DPYD: variants seen among roughly 807,000 people sequenced by gnomAD.
DPYD encodes dihydropyrimidine dehydrogenase.
Under a neutral mutation model 116.2 loss-of-function variants are expected in DPYD, and 109 were observed. That is an observed-to-expected ratio of 0.94 (90% CI 0.80 to 1.10). The LOEUF is 1.10. Among genes scored for constraint, DPYD ranks in the 50% least tolerant of loss-of-function variants. The probability of loss-of-function intolerance (pLI) is 0.00; values close to 1 mark genes in which losing one functional copy is unlikely to be tolerated. For synonymous variants in DPYD, 440 were observed against 432.0 expected (o/e 1.02, Z -0.23); for missense variants, 1,302 against 1,254.5 (o/e 1.04, Z -0.57).
At chr1:97,864,421 T>C (rs899287211) in intron 2 of DPYD, among the ~76,000 whole-genome samples, 2 of 151,936 alleles carry the variant, frequency 1.3e-5, no homozygotes, top group Admixed American at 6.6e-5. Flanking sequence ...TTTTCAGGCC[T>C]GAGTCAAAGA....
At chr1:97,846,478 C>T (rs1023683884) in intron 2 of DPYD, among the ~76,000 whole-genome samples, 6 of 152,150 alleles carry the variant, frequency 3.9e-5, no homozygotes, top group African/African-American at 7.2e-5. Context: ...GCATCTGACT[C>T]GGGGGAAGTC....
chr1:97,601,103 G>C (rs1557829518), intron 8 of DPYD, among the ~76,000 whole-genome samples: 2 of 151,952 alleles, frequency 1.3e-5, no homozygotes. Context: ...CTAAAGAACT[G>C]GGTTCTAATC....
At chr1:97,166,234 C>G (rs1372700835) in intron 20 of DPYD, among the ~76,000 whole-genome samples, 1 of 152,164 alleles carries the variant, frequency 6.6e-6, no homozygotes, top group Non-Finnish European at 1.5e-5. Context: ...TACATATACA[C>G]CATGGAATAC....
intron 8 of DPYD, among the ~76,000 whole-genome samples, chr1:97,664,225 T>G (rs547231671): frequency 1.3e-5 from 2 of 152,230 alleles, no homozygotes; most frequent in South Asian, 4.1e-4. Context: ...ATTTTATCAA[T>G]GATAAAGTTG....
At chr1:97,123,650 T>C (rs2101650691) in intron 20 of DPYD, among the ~76,000 whole-genome samples, 1 of 152,306 alleles carries the variant, frequency 6.6e-6, no homozygotes, top group Non-Finnish European at 1.5e-5. Context: ...AGAACATTTA[T>C]TAAGTAAGAA....
intron 6 of DPYD, among the ~76,000 whole-genome samples, chr1:97,695,715 T>C (rs1318400220): frequency 6.6e-6 from 1 of 151,288 alleles, no homozygotes. Context: ...TTAGGAGGAG[T>C]TGTTGAAAGA....
At chr1:97,584,055 T>C (rs1653904265) in intron 10 of DPYD, among the ~76,000 whole-genome samples, 1 of 152,204 alleles carries the variant, frequency 6.6e-6, no homozygotes, top group African/African-American at 2.4e-5. Context: ...TTCCTATTTC[T>C]CCACATCCTC....
intron 8 of DPYD, among the ~76,000 whole-genome samples, chr1:97,658,589 A>T (rs13375275): frequency 0.15 from 22,835 of 152,120 alleles, 1,883 homozygotes; most frequent in African/African-American, 0.2. Flanking sequence ...GACTTAAATA[A>T]TAATTAATTA....
At chr1:97,488,347 T>G (rs1331910099) in intron 13 of DPYD, among the ~76,000 whole-genome samples, 1 of 152,180 alleles carries the variant, frequency 6.6e-6, no homozygotes, top group East Asian at 1.9e-4. Flanking sequence ...ATGATAGAAC[T>G]GTTCTTTATC....
chr1:97,507,431 T>C (rs1011606435), intron 13 of DPYD, among the ~76,000 whole-genome samples: 3 of 150,574 alleles, frequency 2.0e-5, no homozygotes, highest in Admixed American at 1.3e-4. Context: ...AATAATGCAC[T>C]GGACTATTGT....
chr1:97,239,826 A>C lies in DPYD; in HGVS notation c.2300-4832T>G, dbSNP rs1662206506. 5.9e-5 allele frequency among the ~76,000 whole-genome samples: 9 copies of C among 152,104 alleles called. No homozygotes were observed. In the South Asian group the frequency reaches 1.9e-3, roughly 32 times the overall value. On this transcript the variant is annotated intron_variant, in intron 18 of 22. Coordinates refer to ENST00000370192, the MANE Select transcript of DPYD (RefSeq NM_000110.4). ...CGAATCTCAATTTTGTCATCTATAA[A>C]ATAATAAAAATTGTAATAACGTCTT...
intron 12 of DPYD, among the ~76,000 whole-genome samples, chr1:97,528,956 C>A (rs1284089985): frequency 6.6e-6 from 1 of 152,060 alleles, no homozygotes; most frequent in Admixed American, 6.5e-5. Flanking sequence ...TTCATGATAG[C>A]CTACAAGCTC....
intron 16 of DPYD, among the ~76,000 whole-genome samples, chr1:97,315,410 A>G (rs1280084864): frequency 6.6e-6 from 1 of 151,876 alleles, no homozygotes; most frequent in Non-Finnish European, 1.5e-5. Flanking sequence ...TGGGCTAGCA[A>G]AGACTTTTCT....
intron 19 of DPYD, among the ~76,000 whole-genome samples, chr1:97,226,829 C>CT (rs1022182243): frequency 6.6e-6 from 1 of 151,968 alleles, no homozygotes; most frequent in Non-Finnish European, 1.5e-5. Context: ...AATAGAATCC[C>CT]TACAAACATT....
chr1:97,654,956 A>T (rs1158841811), intron 8 of DPYD, among the ~76,000 whole-genome samples: 1 of 152,106 alleles, frequency 6.6e-6, no homozygotes, highest in Non-Finnish European at 1.5e-5. Context: ...CCCTTATAAA[A>T]CCATCAGATC....
chr1:97,696,882 C>A (rs892120042), intron 6 of DPYD, among the ~76,000 whole-genome samples: 1 of 152,044 alleles, frequency 6.6e-6, no homozygotes, highest in Non-Finnish European at 1.5e-5. Flanking sequence ...GACCTCATTT[C>A]TCTTTATTGT....
intron 3 of DPYD, among the ~76,000 whole-genome samples, chr1:97,766,928 C>T (rs1175151388): frequency 3.3e-5 from 5 of 151,972 alleles, no homozygotes; most frequent in Non-Finnish European, 5.9e-5. Context: ...TGATAGACTA[C>T]GAAGGTCATC....
chr1:97,530,562 A>G (rs912489652), intron 12 of DPYD, among the ~76,000 whole-genome samples: 4 of 152,178 alleles, frequency 2.6e-5, no homozygotes, highest in Non-Finnish European at 4.4e-5. Context: ...TATCTTGGCT[A>G]TTGTGAATAA....
chr1:97,426,612 G>A (rs911079132), intron 14 of DPYD, among the ~76,000 whole-genome samples: 1 of 152,074 alleles, frequency 6.6e-6, no homozygotes, highest in Non-Finnish European at 1.5e-5. Flanking sequence ...AAATAGAGGA[G>A]TGGCTCTATA....
Sources: allele counts gnomAD v4.1 joint callset (sites outside exome capture counted in the v4.1 genomes callset), GRCh38; gene constraint gnomAD v4.1.1; transcripts MANE v1.5; gene names NCBI Gene and HGNC (gene_info 2026-07-23, HGNC 2026-07-21).